The following RNF180 variants were observed in gnomAD, a reference collection of about 807,000 sequenced individuals.
RNF180 encodes the protein E3 ubiquitin-protein ligase RNF180.
RNF180 carries 38 observed loss-of-function variants against 59.2 expected under a neutral mutation model. The ratio of observed to expected loss-of-function variants is 0.64; its 90% CI spans 0.50 to 0.84. The LOEUF (loss-of-function observed/expected upper bound fraction) is 0.84, where lower values mean the gene tolerates loss of function less well. RNF180 is among the 40% of genes least tolerant of loss of function. The pLI is 0.00. For synonymous variants in RNF180, 262 were observed against 240.3 expected, an observed-to-expected ratio of 1.09 and a Z score of -0.84; for missense variants, 705 against 700.9, an observed-to-expected ratio of 1.01 and a Z score of -0.07.
intron 5 of RNF180, among the ~76,000 whole-genome samples, chr5:64,263,357 C>A (rs1744461537): frequency 6.6e-6 from 1 of 152,130 alleles, no homozygotes; most frequent in African/African-American, 2.4e-5. Context: ...CACCTGAATT[C>A]ATTAATATGA....
At chr5:64,271,779 G>A (rs182845251) in intron 5 of RNF180, among the ~76,000 whole-genome samples, 5 of 145,330 alleles carry the variant, frequency 3.4e-5, no homozygotes, top group African/African-American at 5.1e-5. Context: ...GAAACAATTA[G>A]TTGGCAATCT....
rs188830503 is a variant in RNF180 at position 64,334,703 on chromosome 5, A to G, written c.1579+4297A>G. ...ATATTCTGCTTTGCTTTGTCATTCA[A>G]TATTTTTCTCAAATCCATTTCAGTA... is the stretch of plus-strand genomic sequence containing the variant. On this transcript the variant is annotated intron_variant, in intron 7 of 7. Coordinates refer to ENST00000389100, the MANE Select transcript of RNF180 (RefSeq NM_001113561.2). 2.4e-4 allele frequency among the ~76,000 whole-genome samples: 36 copies of G among 152,258 alleles called. No individual in the cohort carries two copies. In the East Asian group the frequency reaches 5.2e-3, roughly 22 times the overall value.
At chr5:64,334,647 T>C (rs984457468) in intron 7 of RNF180, among the ~76,000 whole-genome samples, 2 of 152,218 alleles carry the variant, frequency 1.3e-5, no homozygotes, top group African/African-American at 4.8e-5. Context: ...ATTTTGCTTG[T>C]CTTTTAACTT....
Position 64,282,238 on chromosome 5 carries a change from T to C in RNF180, c.1228-42948T>C, listed in dbSNP as rs150304064. Among the ~76,000 whole-genome samples the C allele has an allele frequency of 2.6e-3, 397 of 152,318 alleles. 4 individuals are homozygous for C. The highest frequency in any genetic ancestry group is 9.2e-3 in the African/African-American group (384 of 41,576). ...ATTCAATTTCAGAACTCATTATTGG[T>C]CTGTTCAGAGTTTTAATTTCTTCCT... is the stretch of plus-strand genomic sequence containing the variant. On this transcript the variant is annotated intron_variant, in intron 5 of 7. Transcript: ENST00000389100.
At chr5:64,193,574 A>G (rs562311892) in intron 1 of RNF180, among the ~76,000 whole-genome samples, 9 of 152,248 alleles carry the variant, frequency 5.9e-5, no homozygotes, top group South Asian at 2.1e-4. Flanking sequence ...CCCATTCCCA[A>G]TTGTTTAGGA....
chr5:64,284,205 G>T (rs1742160027), intron 5 of RNF180, among the ~76,000 whole-genome samples: 2 of 147,620 alleles, frequency 1.4e-5, no homozygotes, highest in African/African-American at 5.1e-5. Flanking sequence ...TAGCTTGTAG[G>T]GTTTCTACTG....
At chr5:64,226,074 G>A (rs6414798) in intron 5 of RNF180, among the ~76,000 whole-genome samples, 38,006 of 146,716 alleles carry the variant, frequency 0.26, 3,571 homozygotes, top group African/African-American at 0.31. Flanking sequence ...CATCTGGGAA[G>A]TGAGGAGCGC....
intron 5 of RNF180, among the ~76,000 whole-genome samples, chr5:64,226,326 CT>C (rs1393420057): frequency 4.6e-5 from 7 of 152,312 alleles, no homozygotes; most frequent in African/African-American, 1.4e-4. Flanking sequence ...AAGAAAAATT[CT>C]TCTGCCTTGG....
chr5:64,361,807 G>A (rs1394783019), intron 7 of RNF180, among the ~76,000 whole-genome samples: 1 of 151,360 alleles, frequency 6.6e-6, no homozygotes, highest in Non-Finnish European at 1.5e-5. Context: ...TTTTTAGAAT[G>A]AAGTGGTTGT....
intron 5 of RNF180, among the ~76,000 whole-genome samples, chr5:64,238,158 A>G (rs1482690375): frequency 1.3e-5 from 2 of 152,138 alleles, no homozygotes; most frequent in Admixed American, 6.5e-5. Context: ...ATGTTTTTGC[A>G]TATTGCAACA....
At chr5:64,354,714 T>C (rs1423458464) in intron 7 of RNF180, among the ~76,000 whole-genome samples, 1 of 151,802 alleles carries the variant, frequency 6.6e-6, no homozygotes, top group Non-Finnish European at 1.5e-5. Flanking sequence ...CAGATTCTAA[T>C]AGCATATTAA....
At chr5:64,284,277 G>T (rs1198204875) in intron 5 of RNF180, among the ~76,000 whole-genome samples, 2 of 152,072 alleles carry the variant, frequency 1.3e-5, no homozygotes, top group Admixed American at 1.3e-4. Context: ...CTCTCTAGCT[G>T]CCTGTAATAT....
intron 5 of RNF180, among the ~76,000 whole-genome samples, chr5:64,263,589 A>G (rs1744479812): frequency 6.6e-6 from 1 of 152,206 alleles, no homozygotes; most frequent in African/African-American, 2.4e-5. Flanking sequence ...CTGTTTTTTA[A>G]TGTAAAATAC....
intron 5 of RNF180, among the ~76,000 whole-genome samples, chr5:64,291,203 G>C (rs1043281443): frequency 9.9e-5 from 15 of 152,108 alleles, no homozygotes; most frequent in African/African-American, 2.9e-4. Context: ...AGGGTCTGCT[G>C]TTACTCTGAT....
chr5:64,335,122 A>C (rs1380461733), intron 7 of RNF180, among the ~76,000 whole-genome samples: 1 of 152,184 alleles, frequency 6.6e-6, no homozygotes, highest in East Asian at 1.9e-4. Flanking sequence ...TGGGGGTTGA[A>C]CATATCTTTA....
At chr5:64,215,121 AAT>A (rs1205834386) in intron 4 of RNF180, among the ~76,000 whole-genome samples, 1 of 152,188 alleles carries the variant, frequency 6.6e-6, no homozygotes, top group Non-Finnish European at 1.5e-5. Context: ...TACCCATAGT[AAT>A]ATGCTCCAGA....
chr5:64,251,934 T>G (rs1352847223), intron 5 of RNF180, among the ~76,000 whole-genome samples: 1 of 151,910 alleles, frequency 6.6e-6, no homozygotes, highest in Non-Finnish European at 1.5e-5. Flanking sequence ...TGAAGGAAAT[T>G]GGAGAAAAAG....
intron 5 of RNF180, among the ~76,000 whole-genome samples, chr5:64,317,278 TAA>T (rs1356388477): frequency 6.6e-6 from 1 of 152,116 alleles, no homozygotes; most frequent in Non-Finnish European, 1.5e-5. Context: ...CCAGTGCATA[TAA>T]AAAGTTATGT....
In RNF180 at chr5:64,324,831, C is replaced by A. The variant is rs531462551; in HGVS notation, c.1228-355C>A. ...TAAAACTCTATAACCTTGTGACAAC[C>A]AGTTTATTTGCTGTGGTAGGAATGG... is the stretch of plus-strand genomic sequence containing the variant. On this transcript the variant is annotated intron_variant, in intron 5 of 7. Transcript: ENST00000389100. Among the ~76,000 whole-genome samples, 341 of 152,206 alleles carry A rather than the reference C, an allele frequency of 2.2e-3. 1 individual carries two copies. Among genetic ancestry groups the A allele is most frequent in the Non-Finnish European group, 3.6e-3 (248 of 68,008 alleles).
Sources: gnomAD v4.1 joint callset for allele counts (sites outside exome capture counted in the v4.1 genomes callset) on GRCh38, gnomAD v4.1.1 for gene constraint, MANE v1.5 for transcripts, NCBI Gene and HGNC (gene_info 2026-07-23, HGNC 2026-07-21) for gene names.